EDNRB: variants seen among roughly 807,000 people sequenced by gnomAD.
The protein encoded by EDNRB is Hirschsprung disease 2.
EDNRB carries 18 observed loss-of-function variants against 46.4 expected under a neutral mutation model. The observed-to-expected ratio is 0.39, with a 90% CI of 0.27 to 0.57. The LOEUF is 0.57. Among genes scored for constraint, EDNRB ranks in the 20% least tolerant of loss-of-function variants. The pLI, the probability that EDNRB is intolerant of heterozygous loss-of-function variation, is 0.61. For missense variants in EDNRB, 434 were observed against 537.5 expected (o/e 0.81, Z 1.90); for synonymous variants, 213 against 204.9 (o/e 1.04, Z -0.34).
chr13:77,898,951 CAAT>C (rs1878781391), intron 6 of EDNRB, among the ~76,000 whole-genome samples: 2 of 151,798 alleles, frequency 1.3e-5, no homozygotes, highest in African/African-American at 4.8e-5. Flanking sequence ...TATTGGTAAA[CAAT>C]AAGGTTATAT....
At chr13:77,958,373 T>C (rs189751236) in intron 1 of EDNRB, among the ~76,000 whole-genome samples, 62 of 149,584 alleles carry the variant, frequency 4.1e-4, no homozygotes, top group Admixed American at 1.5e-3. Context: ...TATTTATTTA[T>C]TTATTTATTT....
At chr13:77,947,342 G>A (rs1010892717) in intron 1 of EDNRB, among the ~76,000 whole-genome samples, 9 of 150,672 alleles carry the variant, frequency 6.0e-5, no homozygotes, top group Non-Finnish European at 1.3e-4. Context: ...TGCCATGTTG[G>A]GCAGGCTGGT....
At chr13:77,913,665 C>T (rs994949450) in intron 1 of EDNRB, among the ~76,000 whole-genome samples, 1 of 152,118 alleles carries the variant, frequency 6.6e-6, no homozygotes, top group African/African-American at 2.4e-5. Context: ...TTTAACTTCT[C>T]CCAACCTACA....
At chr13:77,929,363 A>G (rs1309927373) in intron 1 of EDNRB, among the ~76,000 whole-genome samples, 11 of 152,342 alleles carry the variant, frequency 7.2e-5, no homozygotes, top group African/African-American at 2.4e-4. Flanking sequence ...ATCCATCTAT[A>G]CATATGTGAG....
chr13:77,964,797 G>A (rs547795544), intron 1 of EDNRB, among the ~76,000 whole-genome samples: 97 of 151,194 alleles, frequency 6.4e-4, no homozygotes, highest in Middle Eastern at 6.8e-3. Flanking sequence ...GAATAAAGTA[G>A]AAAACTATAT....
intron 1 of EDNRB, among the ~76,000 whole-genome samples, chr13:77,947,153 C>T (rs150854015): frequency 1.3e-5 from 2 of 152,230 alleles, no homozygotes; most frequent in African/African-American, 4.8e-5. Context: ...TTATAATGAC[C>T]ACATATAAAG....
chr13:77,957,328 A>G (rs1008931309), intron 1 of EDNRB, among the ~76,000 whole-genome samples: 5 of 152,238 alleles, frequency 3.3e-5, no homozygotes, highest in Non-Finnish European at 5.9e-5. Context: ...CAATGCATTT[A>G]TGTGATAGCG....
chr13:77,918,292 G>C lies in EDNRB; in HGVS notation c.282C>G (p.Ile94Met). 6.2e-7 allele frequency: 1 copy of C among 1,614,120 alleles called. No homozygotes were observed. Among genetic ancestry groups the C allele is most frequent in the Non-Finnish European group, 8.5e-7 (1 of 1,180,026 alleles). ...TISPPPCQGP[I>M]EIKETFKYIN... ...TGTATTTGAAAGTCTCCTTGATCTC[G>C]ATGGGTCCTTGGCACGGGGGAGGGG... The change falls in exon 1 of 7, where the codon ATC (isoleucine) becomes ATG (methionine). Residue 94 changes from isoleucine to methionine, a missense_variant. Physicochemically the swap from Ile to Met is conservative, Grantham distance 10 (BLOSUM62 1). Coordinates refer to ENST00000646607, the MANE Select transcript of EDNRB (RefSeq NM_001122659.3). The surrounding 1 kb of genome is among the most constrained non-coding windows in gnomAD (Gnocchi z 4.5).
At chr13:77,925,417 C>A (rs994408630) in intron 1 of EDNRB, among the ~76,000 whole-genome samples, 2 of 152,178 alleles carry the variant, frequency 1.3e-5, no homozygotes, top group Non-Finnish European at 2.9e-5. Context: ...CCATTCACAA[C>A]AACCAATAGG....
chr13:77,904,109 T>G (rs966504399), intron 1 of EDNRB, among the ~76,000 whole-genome samples: 1 of 151,974 alleles, frequency 6.6e-6, no homozygotes, highest in African/African-American at 2.4e-5. Context: ...GAACAATCAT[T>G]CAGTAGGAGT....
intron 1 of EDNRB, among the ~76,000 whole-genome samples, chr13:77,933,694 CA>C (rs1191621088): frequency 6.6e-6 from 1 of 151,964 alleles, no homozygotes; most frequent in African/African-American, 2.4e-5. Flanking sequence ...GTGAGGATGG[CA>C]AAAATTTTGG....
Position 77,918,502 on chromosome 13 carries a change from G to A in EDNRB, c.72C>T (p.Ile24=), listed in dbSNP as rs1454016273. 6.3e-7 allele frequency: 1 copy of A among 1,575,512 alleles called. No homozygotes were observed. The highest frequency in any genetic ancestry group is 1.2e-5 in the South Asian group (1 of 82,870). The part of the protein sequence containing the change: ...ALVLACGLSR[I]WGEERGFPPD... ...GCGGGAAGCCTCTCTCCTCTCCCCA[G>A]ATCCGCGACAGGCCGCAGGCAAGAA... is the stretch of plus-strand genomic sequence containing the variant. Residue 24 remains isoleucine (I), a synonymous_variant, in exon 1 of 7, where the codon ATC becomes ATT. Transcript: ENST00000646607. This position sits in a 1 kb window ranked among gnomAD's most constrained non-coding sequence, Gnocchi z 4.5.
chr13:77,958,705 A>AGAAC (rs1354471507), intron 1 of EDNRB, among the ~76,000 whole-genome samples: 4 of 152,212 alleles, frequency 2.6e-5, no homozygotes, highest in Non-Finnish European at 5.9e-5. Context: ...GCCAGCATTG[A>AGAAC]GAACCTTTGC....
Position 77,904,715 on chromosome 13 carries a change from ATATG to A in EDNRB, c.484-1112_484-1109del, listed in dbSNP as rs1247231927. On this transcript the variant is annotated intron_variant, in intron 1 of 6. Coordinates refer to ENST00000646607, the MANE Select transcript of EDNRB (RefSeq NM_001122659.3). ...TGTGGTTATTTTCTTTCTTAGGACA[ATATG>A]GTGTGTCCCACACTGGTAAATGAAT... 1.2e-4 allele frequency among the ~76,000 whole-genome samples: 18 copies of A among 152,036 alleles called. 1 individual carries two copies. Among genetic ancestry groups the A allele is most frequent in the African/African-American group, 4.3e-4 (18 of 41,550 alleles).
intron 1 of EDNRB, among the ~76,000 whole-genome samples, chr13:77,941,475 A>G (rs549472091): frequency 6.6e-6 from 1 of 152,356 alleles, no homozygotes; most frequent in Admixed American, 6.5e-5. Flanking sequence ...TTTAACTTAC[A>G]TAATGACCAG....
intron 6 of EDNRB, among the ~76,000 whole-genome samples, chr13:77,898,765 C>T (rs1241143169): frequency 6.6e-6 from 1 of 151,826 alleles, no homozygotes; most frequent in Admixed American, 6.6e-5. Context: ...ATGTATACTC[C>T]ATAACCTTGT....
intron 1 of EDNRB, among the ~76,000 whole-genome samples, chr13:77,972,280 C>G (rs1021185605): frequency 1.3e-5 from 2 of 152,204 alleles, no homozygotes; most frequent in South Asian, 2.1e-4. Context: ...GCCATGTGCA[C>G]AAGCATAACA....
chr13:77,967,408 C>A (rs1044598651), intron 1 of EDNRB, among the ~76,000 whole-genome samples: 2 of 152,138 alleles, frequency 1.3e-5, no homozygotes, highest in African/African-American at 4.8e-5. Context: ...CCCTGAATTT[C>A]CCGAAGAAGT....
At chr13:77,956,092 C>G (rs1017529093) in intron 1 of EDNRB, among the ~76,000 whole-genome samples, 2 of 152,036 alleles carry the variant, frequency 1.3e-5, no homozygotes, top group Non-Finnish European at 2.9e-5. Context: ...GAGATTGGAT[C>G]GAATCTGAAG....
Sources: allele counts gnomAD v4.1 joint callset (sites outside exome capture counted in the v4.1 genomes callset), GRCh38; gene constraint gnomAD v4.1.1; non-coding constraint Gnocchi (gnomAD v3.1); transcripts MANE v1.5; gene names NCBI Gene and HGNC (gene_info 2026-07-23, HGNC 2026-07-21).